The following TAFA1 variants were observed in gnomAD, a reference collection of about 807,000 sequenced individuals.
TAFA1 encodes chemokine-like protein TAFA-1.
In TAFA1, 4 loss-of-function variants were observed where a neutral mutation model predicts 18.5. The ratio of observed to expected loss-of-function variants is 0.22; its 90% confidence interval spans 0.11 to 0.49. The LOEUF is 0.49. Among genes scored for constraint, TAFA1 ranks in the 20% least tolerant of loss-of-function variants. TAFA1 has a pLI of 0.98. For synonymous variants in TAFA1, 56 were observed against 55.2 expected, an observed-to-expected ratio of 1.01 and a Z score of -0.06; for missense variants, 147 against 169.0, an observed-to-expected ratio of 0.87 and a Z score of 0.72.
In TAFA1 at chr3:68,543,749, G is replaced by GT. The variant is rs2073414438; in HGVS notation, c.385-736dup. 3.3e-5 allele frequency among the ~76,000 whole-genome samples: 5 copies of GT among 152,250 alleles called. No homozygotes were observed. The South Asian group carries it at 8.3e-4, about 25-fold the overall frequency. On this transcript the variant is annotated intron_variant, in intron 4 of 4. Coordinates refer to ENST00000478136, the MANE Select transcript of TAFA1 (RefSeq NM_213609.4). ...GAATTGTTATTTATGCTTGAAGTTA[G>GT]TAGTTCTCTGTACATGCGTCCTTTT...
chr3:68,353,564 A>G (rs79825033), intron 2 of TAFA1, among the ~76,000 whole-genome samples: 2,115 of 152,072 alleles, frequency 0.014, 52 homozygotes, highest in African/African-American at 0.049. Context: ...CATAGCCACT[A>G]TTTGCTATAT....
intron 2 of TAFA1, among the ~76,000 whole-genome samples, chr3:68,166,716 C>A (rs961316682): frequency 2.6e-5 from 4 of 152,154 alleles, no homozygotes; most frequent in Admixed American, 1.3e-4. Flanking sequence ...GGGAAGGGAA[C>A]ATTTTCGTAC....
intron 2 of TAFA1, among the ~76,000 whole-genome samples, chr3:68,010,494 C>T (rs189393030): frequency 1.7e-3 from 255 of 152,200 alleles, no homozygotes; most frequent in Non-Finnish European, 2.9e-3. Context: ...TTTGTGAGGC[C>T]GTGAATTTGT....
At chr3:68,161,718 A>G (rs1361500430) in intron 2 of TAFA1, among the ~76,000 whole-genome samples, 1 of 152,036 alleles carries the variant, frequency 6.6e-6, no homozygotes, top group Non-Finnish European at 1.5e-5. Context: ...TCAGACTCAA[A>G]CCCCATTTTG....
At chr3:68,304,148 C>G (rs1484392955) in intron 2 of TAFA1, among the ~76,000 whole-genome samples, 2 of 152,100 alleles carry the variant, frequency 1.3e-5, no homozygotes, top group Non-Finnish European at 2.9e-5. Flanking sequence ...ATATTTTCAT[C>G]CTGTTGCATA....
chr3:68,355,373 C>T (rs921332101), intron 2 of TAFA1, among the ~76,000 whole-genome samples: 9 of 152,004 alleles, frequency 5.9e-5, no homozygotes, highest in Non-Finnish European at 1.3e-4. Flanking sequence ...AGGCATGTGA[C>T]TTCTGTTCAG....
intron 2 of TAFA1, among the ~76,000 whole-genome samples, chr3:68,301,378 G>A (rs2068300890): frequency 6.6e-6 from 1 of 151,990 alleles, no homozygotes; most frequent in African/African-American, 2.4e-5. Flanking sequence ...CTTTTTATAG[G>A]TGCATAGTAT....
chr3:68,510,716 C>G (rs1056727558), intron 3 of TAFA1, among the ~76,000 whole-genome samples: 1 of 152,090 alleles, frequency 6.6e-6, no homozygotes, highest in East Asian at 1.9e-4. Context: ...TAATTAACAA[C>G]AGAGGGCAGA....
chr3:68,392,578 G>A (rs370503393), intron 2 of TAFA1, among the ~76,000 whole-genome samples: 16 of 151,978 alleles, frequency 1.1e-4, no homozygotes, highest in African/African-American at 1.5e-4. Flanking sequence ...GCACCGTATC[G>A]CACTTATTCT....
At chr3:68,141,774 C>G (rs2106903226) in intron 2 of TAFA1, among the ~76,000 whole-genome samples, 1 of 152,318 alleles carries the variant, frequency 6.6e-6, no homozygotes, top group African/African-American at 2.4e-5. Context: ...CTGATTCTTC[C>G]TTTTGAACAA....
chr3:68,400,577 A>T (rs556318892), intron 2 of TAFA1, among the ~76,000 whole-genome samples: 1 of 152,356 alleles, frequency 6.6e-6, no homozygotes, highest in Admixed American at 6.5e-5. Context: ...GGCTGAGTGA[A>T]GTAGAAACTG....
At chr3:68,491,059 A>T (rs1333363381) in intron 3 of TAFA1, among the ~76,000 whole-genome samples, 1 of 151,862 alleles carries the variant, frequency 6.6e-6, no homozygotes, top group Non-Finnish European at 1.5e-5. Context: ...GGCTGGTCTT[A>T]AACTCCCAGG....
At chr3:68,248,615 G>A (rs999929417) in intron 2 of TAFA1, among the ~76,000 whole-genome samples, 1 of 151,714 alleles carries the variant, frequency 6.6e-6, no homozygotes, top group Non-Finnish European at 1.5e-5. Context: ...CTGTATGGCA[G>A]ATGCACCTGA....
chr3:68,542,182 T>C (rs1008978270), intron 4 of TAFA1, among the ~76,000 whole-genome samples: 1 of 152,160 alleles, frequency 6.6e-6, no homozygotes, highest in African/African-American at 2.4e-5. Context: ...AAAGGAAGTA[T>C]TCACCTTGAA....
At chr3:68,486,087 ATTTTATTTTATTTTG>A (rs59910310) in intron 3 of TAFA1, among the ~76,000 whole-genome samples, 7,110 of 61,650 alleles carry the variant, frequency 0.12, 294 homozygotes, top group African/African-American at 0.23. Flanking sequence ...ATTTTATTTT[ATTTTATTTTATTTTG>A]TTTTATTTTA....
intron 2 of TAFA1, among the ~76,000 whole-genome samples, chr3:68,370,343 T>TATATATATACACACACACACACAC (rs1559637457): frequency 3.1e-4 from 18 of 58,840 alleles, no homozygotes; most frequent in African/African-American, 1.2e-3. Flanking sequence ...TATATATATA[T>TATATATATACACACACACACACAC]ATATATATAT....
In TAFA1 at chr3:68,186,298, G is replaced by A. The variant is rs186360079; in HGVS notation, c.118+179554G>A. ...GGATAACTTCTAAACAGGTCCTGGT[G>A]TGCTTCCCTAACCCTTTCCGCAGAA... On this transcript the variant is annotated intron_variant, in intron 2 of 4. Coordinates refer to ENST00000478136, the MANE Select transcript of TAFA1 (RefSeq NM_213609.4). Among the ~76,000 whole-genome samples, 178 of 152,140 alleles carry A rather than the reference G, an allele frequency of 1.2e-3. 1 individual carries two copies. The highest frequency in any genetic ancestry group is 4.2e-3 in the African/African-American group (174 of 41,522).
chr3:68,425,781 C>T (rs1397252), intron 3 of TAFA1, among the ~76,000 whole-genome samples: 1 of 151,860 alleles, frequency 6.6e-6, no homozygotes, highest in Non-Finnish European at 1.5e-5. Flanking sequence ...TAGTTTAGAG[C>T]AGCAGTTGCC....
At chr3:68,332,288 G>T (rs1254688552) in intron 2 of TAFA1, among the ~76,000 whole-genome samples, 1 of 152,020 alleles carries the variant, frequency 6.6e-6, no homozygotes, top group East Asian at 1.9e-4. Context: ...AGATCTAAAT[G>T]TAACATCTGA....
Sources: gnomAD v4.1 joint callset for allele counts (sites outside exome capture counted in the v4.1 genomes callset) on GRCh38, gnomAD v4.1.1 for gene constraint, MANE v1.5 for transcripts, NCBI Gene and HGNC (gene_info 2026-07-23, HGNC 2026-07-21) for gene names.